The following FBLN2 variants were observed in gnomAD, a reference collection of about 807,000 sequenced individuals.
FBLN2 encodes fibulin-2.
Under a neutral mutation model 123.7 loss-of-function variants are expected in FBLN2, and 81 were observed. The observed-to-expected ratio is 0.65, with a 90% confidence interval of 0.55 to 0.79. The LOEUF is 0.79. FBLN2 is among the 30% of genes least tolerant of loss of function. FBLN2 has a pLI of 0.00. For missense variants in FBLN2, 1,603 were observed against 1,681.3 expected, an observed-to-expected ratio of 0.95 and a Z score of 0.81; for synonymous variants, 699 against 701.4, an observed-to-expected ratio of 1.00 and a Z score of 0.05.
At chr3:13,562,356 CTTT>C (rs377434279) in intron 1 of FBLN2, among the ~76,000 whole-genome samples, 3 of 135,126 alleles carry the variant, frequency 2.2e-5, no homozygotes, top group Admixed American at 7.5e-5. Context: ...ATGAAGTTTA[CTTT>C]TTTTTTTTTT....
chr3:13,623,401 A>C (rs1202771906), intron 9 of FBLN2, among the ~76,000 whole-genome samples: 2 of 152,184 alleles, frequency 1.3e-5, no homozygotes, highest in Non-Finnish European at 2.9e-5. Context: ...GGCACATTCC[A>C]TTCAGCAAAA....
In FBLN2 at chr3:13,599,760, G is replaced by GGAA. The variant is rs567943884; in HGVS notation, c.1307-8299_1307-8297dup. ...GGATGGTAGGGCCTTTGTTGACACAGGAAGACCCAGGGAGGGGGTGGCTTG... is the reference window on the plus strand; with the variant it reads ...GGATGGTAGGGCCTTTGTTGACACAGGAAGAAGACCCAGGGAGGGGGTGGCTTG... On this transcript the variant is annotated intron_variant, in intron 2 of 17. Transcript: ENST00000404922. Among the ~76,000 whole-genome samples, 589 of 151,884 alleles carry GGAA rather than the reference G, an allele frequency of 3.9e-3. 2 individuals carry two copies. Among genetic ancestry groups the GGAA allele is most frequent in the Admixed American group, 6.9e-3 (105 of 15,256 alleles).
intron 2 of FBLN2, among the ~76,000 whole-genome samples, chr3:13,583,030 T>A (rs1473851443): frequency 6.6e-6 from 1 of 152,274 alleles, no homozygotes; most frequent in Non-Finnish European, 1.5e-5. Flanking sequence ...CCTCACTGGC[T>A]GTCTCCCTCC....
In FBLN2 at chr3:13,630,725, T is replaced by C. The variant is rs1404541326; in HGVS notation, c.2995T>C (p.Cys999Arg). 6.2e-7 allele frequency: 1 copy of C among 1,608,708 alleles called. No homozygotes were observed. The change falls in exon 15 of 18, where the codon TGC becomes CGC. Residue 999 changes from cysteine to arginine, a missense_variant. Physicochemically the swap from Cys to Arg is radical, Grantham distance 180 (BLOSUM62 -3). Transcript: ENST00000404922. ...EDVNECEAQRCSQECANIYGS... is the reference protein window; with the variant it reads ...EDVNECEAQRRSQECANIYGS... ...CGTGAATGAGTGTGAGGCCCAGCGC[T>C]GCAGCCAGGAGTGTGCCAACATCTA... is the stretch of plus-strand genomic sequence containing the variant.
rs1227106165 is a variant in FBLN2, at chr3:13,619,832, G to A, written c.2155+1G>A. 1.9e-6 allele frequency: 3 copies of A among 1,609,718 alleles called. No individual in the cohort carries two copies. On this transcript the variant is annotated splice_donor_variant, in intron 8 of 17. Coordinates refer to ENST00000404922, the MANE Select transcript of FBLN2 (RefSeq NM_001004019.2). LOFTEE classifies it high-confidence loss of function. The stretch of plus-strand genomic sequence containing the variant: ...ATGGCGGATGGCGTGTCCTGTGAAG[G>A]TGAGTGCCTTGGGGTGCCCTCCTAC...
chr3:13,560,004 C>T (rs539509916), intron 1 of FBLN2, among the ~76,000 whole-genome samples: 5 of 152,250 alleles, frequency 3.3e-5, no homozygotes, highest in East Asian at 1.9e-4. Context: ...CATTTCTCAT[C>T]GCTCCCACCC....
At chr3:13,568,757 T>C in intron 1 of FBLN2, 1 of 985,808 alleles carries the variant, frequency 1.0e-6, no homozygotes, top group Non-Finnish European at 1.2e-6. Context: ...TTCATTTATT[T>C]CATCATGGGG....
rs1038308683 is a variant in FBLN2, at chr3:13,609,745, G to A, written c.1548+103G>A. 53 of 1,400,754 alleles carry A rather than the reference G, an allele frequency of 3.8e-5. No homozygotes were observed. The African/African-American group carries it at 6.8e-4, about 18-fold the overall frequency. 86.8% of individuals were successfully genotyped at this position (1,400,754 alleles called of 1,614,324 possible). ...TGGCCCAAGAAGTTAGGCTGTCCTT[G>A]GGGCTCCTCCTGGGAGTGACCCTCA... On this transcript the variant is annotated intron_variant, in intron 4 of 17. Coordinates refer to ENST00000404922, the MANE Select transcript of FBLN2 (RefSeq NM_001004019.2).
At chr3:13,621,945 G>T (rs554387739) in intron 9 of FBLN2, 30 bp downstream of exon 9, 1 of 1,603,510 alleles carries the variant, frequency 6.2e-7, no homozygotes, top group Non-Finnish European at 8.5e-7. Flanking sequence ...GCCGCCCGCC[G>T]TCACAGCTCT....
At chr3:13,580,745 T>C (rs1411806462) in intron 2 of FBLN2, among the ~76,000 whole-genome samples, 3 of 152,220 alleles carry the variant, frequency 2.0e-5, no homozygotes, top group African/African-American at 4.8e-5. Context: ...CTTTCCTCCT[T>C]GGACACACCT....
At chr3:13,561,550 T>C (rs910918582) in intron 1 of FBLN2, among the ~76,000 whole-genome samples, 1 of 152,186 alleles carries the variant, frequency 6.6e-6, no homozygotes, top group Non-Finnish European at 1.5e-5. Flanking sequence ...TTGCACATAC[T>C]GTTAGTGCTG....
chr3:13,564,253 C>A (rs1161046425), intron 1 of FBLN2, among the ~76,000 whole-genome samples: 1 of 152,072 alleles, frequency 6.6e-6, no homozygotes, highest in East Asian at 1.9e-4. Context: ...CCAGGTGGTA[C>A]TGATTATGGG....
chr3:13,580,688 C>G (rs183144280), intron 2 of FBLN2, among the ~76,000 whole-genome samples: 1 of 152,354 alleles, frequency 6.6e-6, no homozygotes, highest in East Asian at 1.9e-4. Flanking sequence ...CCCACCAACA[C>G]TGCTGTGGGG....
chr3:13,612,258 T>TTTCCTTTTC, intron 4 of FBLN2, among the ~76,000 whole-genome samples: 1 of 151,526 alleles, frequency 6.6e-6, no homozygotes, highest in Non-Finnish European at 1.5e-5. Flanking sequence ...TTTCTTTTCT[T>TTTCCTTTTC]TTTTCTTTTA....
chr3:13,558,658 C>T (rs1434105200), intron 1 of FBLN2, among the ~76,000 whole-genome samples: 1 of 151,002 alleles, frequency 6.6e-6, no homozygotes, highest in Non-Finnish European at 1.5e-5. Flanking sequence ...TCCATATACC[C>T]ACACACCCAT....
intron 1 of FBLN2, among the ~76,000 whole-genome samples, chr3:13,561,007 G>T (rs116601860): frequency 6.6e-6 from 1 of 152,012 alleles, no homozygotes; most frequent in African/African-American, 2.4e-5. Flanking sequence ...CCTAAAAGTC[G>T]GTGTAGGGTG....
At chr3:13,602,052 C>A (rs1705050974) in intron 2 of FBLN2, among the ~76,000 whole-genome samples, 1 of 152,200 alleles carries the variant, frequency 6.6e-6, no homozygotes, top group African/African-American at 2.4e-5. Context: ...CTTCAGCCTC[C>A]CAGAGTTCTG....
chr3:13,566,533 A>C (rs1703752706), intron 1 of FBLN2: 1 of 152,270 alleles, frequency 6.6e-6, no homozygotes. Context: ...GAGGTCTGCT[A>C]TTCTCCCAGG....
intron 1 of FBLN2, among the ~76,000 whole-genome samples, chr3:13,552,207 C>T (rs535405491): frequency 1.4e-4 from 14 of 101,534 alleles, no homozygotes; most frequent in Non-Finnish European, 2.5e-4. Flanking sequence ...TGGCAGGGAA[C>T]AGGCTGGAGG....
Sources: gnomAD v4.1 joint callset for allele counts (sites outside exome capture counted in the v4.1 genomes callset) on GRCh38, gnomAD v4.1.1 for gene constraint, MANE v1.5 for transcripts, NCBI Gene and HGNC (gene_info 2026-07-23, HGNC 2026-07-21) for gene names.